The following PPP2R3A variants were observed in gnomAD, a reference collection of about 807,000 sequenced individuals.
PPP2R3A encodes the protein protein phosphatase 2 regulatory subunit B''alpha, also known as serine/threonine-protein phosphatase 2A regulatory subunit B'' subunit alpha.
PPP2R3A carries 80 observed loss-of-function variants against 106.9 expected under a neutral mutation model. The ratio of observed to expected loss-of-function variants is 0.75; its 90% CI spans 0.62 to 0.90. The LOEUF (loss-of-function observed/expected upper bound fraction) is 0.90. PPP2R3A is among the 40% of genes least tolerant of loss of function. PPP2R3A has a pLI of 0.00. For synonymous variants in PPP2R3A, 483 were observed against 468.3 expected (o/e 1.03, Z -0.41); for missense variants, 1,386 against 1,350.4 (o/e 1.03, Z -0.41).
At chr3:136,087,633 G>A (rs770442695) in intron 8 of PPP2R3A, 7 of 342,166 alleles carry the variant, frequency 2.0e-5, no homozygotes, top group Non-Finnish European at 3.7e-5. Context: ...TGTCCTAGCT[G>A]TCAGGATGTT....
At chr3:136,127,353 A>G (rs1270837041) in intron 13 of PPP2R3A, among the ~76,000 whole-genome samples, 1 of 152,212 alleles carries the variant, frequency 6.6e-6, no homozygotes, top group African/African-American at 2.4e-5. Context: ...CCATGGCACA[A>G]GAACTTCCTG....
rs1939076766 is a variant in PPP2R3A, at chr3:136,145,367, T to C, written c.*201T>C. 3 of 489,266 alleles carry C rather than the reference T, an allele frequency of 6.1e-6. No homozygotes were observed. The highest frequency in any genetic ancestry group is 6.4e-4 in the Middle Eastern group (1 of 1,568). The allele number at this position is 489,266 out of a possible 1,614,324, so 30.3% of individuals were successfully genotyped here. A position where few individuals can be genotyped will look rare whatever the true frequency, so the allele number is the denominator to read the frequency against. On this transcript the variant is annotated 3_prime_UTR_variant, in exon 14 of 14. Transcript: ENST00000264977. ...CTCCTCCAATTTGCCTCAAACCTCT[T>C]ACGGAGCTTCTCCTCAGAAGTGGTA...
chr3:136,082,541 G>T, intron 8 of PPP2R3A, 120 bp downstream of exon 8: 1 of 1,112,660 alleles, frequency 9.0e-7, no homozygotes. Flanking sequence ...CTCTTTACAG[G>T]CCAATAATTT....
At chr3:136,123,873 TTAA>T (rs1428115062) in intron 13 of PPP2R3A, among the ~76,000 whole-genome samples, 3 of 152,224 alleles carry the variant, frequency 2.0e-5, no homozygotes, top group Non-Finnish European at 4.4e-5. Context: ...TACAGAAGAC[TTAA>T]TAGTCAACAC....
At chr3:136,086,961 G>A (rs560734983) in intron 8 of PPP2R3A, among the ~76,000 whole-genome samples, 1 of 152,250 alleles carries the variant, frequency 6.6e-6, no homozygotes, top group Admixed American at 6.5e-5. Context: ...TAGCACTTTG[G>A]GAGGCTGAGG....
chr3:136,059,715 T>C (rs150461085), intron 5 of PPP2R3A, among the ~76,000 whole-genome samples: 1 of 152,260 alleles, frequency 6.6e-6, no homozygotes, highest in African/African-American at 2.4e-5. Context: ...AGCAAAGACA[T>C]GGTGGAATCA....
At chr3:136,083,643 G>A (rs1936849190) in intron 8 of PPP2R3A, among the ~76,000 whole-genome samples, 2 of 152,212 alleles carry the variant, frequency 1.3e-5, no homozygotes, top group African/African-American at 4.8e-5. Flanking sequence ...TTGGAACTAG[G>A]TAATAGGCAG....
chr3:136,146,878 AAAAT>A lies in PPP2R3A; in HGVS notation c.*1714_*1717del, dbSNP rs1011125128. 2 of 152,192 alleles carry A rather than the reference AAAAT, an allele frequency of 1.3e-5. No individual in the cohort carries two copies. Among genetic ancestry groups the A allele is most frequent in the Non-Finnish European group, 1.5e-5 (1 of 68,046 alleles). 9.4% of individuals were successfully genotyped at this position (152,192 alleles called of 1,614,324 possible). A position where few individuals can be genotyped will look rare whatever the true frequency, so the allele number is the denominator to read the frequency against. On this transcript the variant is annotated 3_prime_UTR_variant, in exon 14 of 14. Transcript: ENST00000264977. Reference sequence around the variant, plus strand: ...TTCAGATAGAAATACAAAAAAAAAAAAAATACTTTTCTTAGAAGCCAGATATGGT... The same window carrying A: ...TTCAGATAGAAATACAAAAAAAAAAAACTTTTCTTAGAAGCCAGATATGGT...
intron 13 of PPP2R3A, among the ~76,000 whole-genome samples, chr3:136,130,413 CTA>C (rs1282272275): frequency 6.6e-6 from 1 of 152,094 alleles, no homozygotes; most frequent in Non-Finnish European, 1.5e-5. Flanking sequence ...TTCACCATTG[CTA>C]TAAAGAGAAT....
chr3:136,017,380 A>C (rs9842840), intron 2 of PPP2R3A, among the ~76,000 whole-genome samples: 38,666 of 152,016 alleles, frequency 0.25, 5,403 homozygotes, highest in Non-Finnish European at 0.32. Context: ...TTGATTATTC[A>C]CTCTGTTATT....
At position 136,118,763 on chromosome 3, in the gene PPP2R3A, A is replaced by G. The variant is rs147993375; in HGVS notation, c.3329+12441A>G. ...AAAATATTCCATGCCCATGGATAGG[A>G]AGAATAAATATTGTGAAAATGGCCA... On this transcript the variant is annotated intron_variant, in intron 13 of 13. Transcript: ENST00000264977. Among the ~76,000 whole-genome samples the G allele has an allele frequency of 6.1e-3, 923 of 152,320 alleles. 12 individuals are homozygous for G. Among genetic ancestry groups the G allele is most frequent in the African/African-American group, 0.021 (879 of 41,564 alleles).
In PPP2R3A at chr3:136,145,698, A is replaced by C. The variant is rs1179843617; in HGVS notation, c.*532A>C. On this transcript the variant is annotated 3_prime_UTR_variant, in exon 14 of 14. Transcript: ENST00000264977. ...TGTATACTGGAGTTCAAAGATCTTT[A>C]ACTTACCTGGCTTAATGTAATTTCA... The C allele has an allele frequency of 6.6e-6, 1 of 152,660 alleles. No homozygotes were observed. The highest frequency in any genetic ancestry group is 2.4e-5 in the African/African-American group (1 of 41,458). 9.5% of individuals were successfully genotyped at this position (152,660 alleles called of 1,614,324 possible).
intron 1 of PPP2R3A, among the ~76,000 whole-genome samples, chr3:135,976,310 G>T (rs1937420240): frequency 6.6e-6 from 1 of 152,190 alleles, no homozygotes. Flanking sequence ...TGTCTTATAT[G>T]TTGGAACACA....
At chr3:135,981,281 C>T (rs907496356) in intron 1 of PPP2R3A, among the ~76,000 whole-genome samples, 5 of 151,746 alleles carry the variant, frequency 3.3e-5, no homozygotes, top group Non-Finnish European at 7.4e-5. Context: ...GGAGCTGTAG[C>T]AGATTGTCTT....
chr3:136,013,286 T>C (rs1484300394), intron 2 of PPP2R3A, among the ~76,000 whole-genome samples: 1 of 152,150 alleles, frequency 6.6e-6, no homozygotes, highest in Non-Finnish European at 1.5e-5. Flanking sequence ...TCCATAGTTT[T>C]GCAATTGCAA....
intron 2 of PPP2R3A, among the ~76,000 whole-genome samples, chr3:136,009,598 A>G (rs1465884918): frequency 3.3e-5 from 5 of 152,060 alleles, no homozygotes; most frequent in Admixed American, 3.3e-4. Context: ...ATGGTTCCCA[A>G]CTAATACTGT....
intron 6 of PPP2R3A, among the ~76,000 whole-genome samples, chr3:136,073,546 G>A (rs1026610025): frequency 1.3e-5 from 2 of 152,086 alleles, no homozygotes; most frequent in African/African-American, 4.8e-5. Flanking sequence ...AGCCATTTAA[G>A]TATAAAATAC....
At chr3:136,100,227 A>G (rs1937324308) in intron 10 of PPP2R3A, among the ~76,000 whole-genome samples, 2 of 152,146 alleles carry the variant, frequency 1.3e-5, no homozygotes, top group Non-Finnish European at 2.9e-5. Context: ...ATGAGGGAAA[A>G]GGCCAGGCGC....
At chr3:136,015,839 A>T (rs1333511821) in intron 2 of PPP2R3A, among the ~76,000 whole-genome samples, 1 of 149,166 alleles carries the variant, frequency 6.7e-6, no homozygotes, top group Admixed American at 6.7e-5. Flanking sequence ...GATCTTTGTT[A>T]TTTCTTTTCT....
Sources: allele counts gnomAD v4.1 joint callset (sites outside exome capture counted in the v4.1 genomes callset), GRCh38; gene constraint gnomAD v4.1.1; transcripts MANE v1.5; gene names NCBI Gene and HGNC (gene_info 2026-07-23, HGNC 2026-07-21).